ROR1: variants seen among roughly 807,000 people sequenced by gnomAD.
ROR1 encodes ROR family WNT receptor 1.
Under a neutral mutation model 78.8 loss-of-function variants are expected in ROR1, and 19 were observed. The observed-to-expected ratio is 0.24, with a 90% CI of 0.17 to 0.35. ROR1 has a LOEUF of 0.35. Among genes scored for constraint, ROR1 ranks in the 10% least tolerant of loss-of-function variants. The pLI, the probability that ROR1 is intolerant of heterozygous loss-of-function variation, is 1.00. For synonymous variants in ROR1, 386 were observed against 433.6 expected (o/e 0.89, Z 1.36); for missense variants, 917 against 1,177.8 (o/e 0.78, Z 3.24).
At chr1:63,914,924 G>A (rs935131228) in intron 1 of ROR1, among the ~76,000 whole-genome samples, 2 of 152,130 alleles carry the variant, frequency 1.3e-5, no homozygotes, top group African/African-American at 4.8e-5. Flanking sequence ...GTCTGGGAGA[G>A]CCTCCTGAGT....
chr1:64,087,652 T>C (rs1391510043), intron 4 of ROR1, among the ~76,000 whole-genome samples: 1 of 152,148 alleles, frequency 6.6e-6, no homozygotes, highest in Non-Finnish European at 1.5e-5. Context: ...AAAGCAGTGC[T>C]CCCTGAAACT....
At chr1:63,914,581 G>A (rs574548524) in intron 1 of ROR1, among the ~76,000 whole-genome samples, 188 of 152,224 alleles carry the variant, frequency 1.2e-3, no homozygotes, top group Non-Finnish European at 1.9e-3. Flanking sequence ...AAATCCCTTC[G>A]GATGACTCTT....
chr1:64,160,791 C>T (rs1405772284), intron 8 of ROR1, among the ~76,000 whole-genome samples: 1 of 152,148 alleles, frequency 6.6e-6, no homozygotes, highest in African/African-American at 2.4e-5. Context: ...CCTTTCATTT[C>T]TGTTGGTAAA....
chr1:63,854,293 C>T (rs1421961486), intron 1 of ROR1, among the ~76,000 whole-genome samples: 1 of 152,182 alleles, frequency 6.6e-6, no homozygotes, highest in Non-Finnish European at 1.5e-5. Context: ...CTTAGCACCA[C>T]TTACGTGTGG....
chr1:63,832,694 A>G (rs867018250), intron 1 of ROR1, among the ~76,000 whole-genome samples: 7 of 152,218 alleles, frequency 4.6e-5, no homozygotes, highest in South Asian at 2.1e-4. Flanking sequence ...AAACACACAC[A>G]TTTTTTCAAA....
At chr1:64,133,614 A>C (rs1228991325) in intron 4 of ROR1, among the ~76,000 whole-genome samples, 1 of 152,220 alleles carries the variant, frequency 6.6e-6, no homozygotes, top group Non-Finnish European at 1.5e-5. Context: ...AGCTCCCATC[A>C]CAAAGCACCC....
intron 4 of ROR1, among the ~76,000 whole-genome samples, chr1:64,128,676 A>G (rs907512801): frequency 5.9e-5 from 9 of 152,230 alleles, no homozygotes; most frequent in African/African-American, 2.2e-4. Flanking sequence ...TTAGGGACAT[A>G]GTAGTGACCA....
At chr1:64,006,731 A>C (rs1646430705) in intron 1 of ROR1, among the ~76,000 whole-genome samples, 1 of 152,196 alleles carries the variant, frequency 6.6e-6, no homozygotes, top group Admixed American at 6.5e-5. Flanking sequence ...AACCAGGGCC[A>C]CTGTAGGTGG....
intron 1 of ROR1, among the ~76,000 whole-genome samples, chr1:63,973,050 T>C (rs766852199): frequency 6.6e-6 from 1 of 152,168 alleles, no homozygotes; most frequent in African/African-American, 2.4e-5. Context: ...CTGCTGCTTC[T>C]CTCCTTCTCC....
chr1:63,819,408 T>A (rs1644911502), intron 1 of ROR1, among the ~76,000 whole-genome samples: 1 of 152,186 alleles, frequency 6.6e-6, no homozygotes, highest in Non-Finnish European at 1.5e-5. Flanking sequence ...TGCTTTTTGA[T>A]GTGTTTATGC....
At chr1:63,935,146 C>T (rs1645784553) in intron 1 of ROR1, among the ~76,000 whole-genome samples, 1 of 151,528 alleles carries the variant, frequency 6.6e-6, no homozygotes, top group Non-Finnish European at 1.5e-5. Context: ...AACCTCCCTC[C>T]CCTGCCAACA....
At chr1:63,926,405 A>G (rs902986058) in intron 1 of ROR1, among the ~76,000 whole-genome samples, 5 of 152,000 alleles carry the variant, frequency 3.3e-5, no homozygotes, top group African/African-American at 1.2e-4. Flanking sequence ...CCATGCTGTT[A>G]CTGTAGCCTT....
chr1:64,135,048 G>A (rs1649056272), intron 4 of ROR1, among the ~76,000 whole-genome samples: 1 of 152,070 alleles, frequency 6.6e-6, no homozygotes, highest in Non-Finnish European at 1.5e-5. Context: ...AGCCAAGACA[G>A]AACCACTCCC....
chr1:64,177,202 C>T (rs1428797313), intron 8 of ROR1, among the ~76,000 whole-genome samples: 1 of 152,206 alleles, frequency 6.6e-6, no homozygotes, highest in Non-Finnish European at 1.5e-5. Flanking sequence ...CAGCAAAAAA[C>T]CATTTTGTGG....
intron 2 of ROR1, among the ~76,000 whole-genome samples, chr1:64,033,995 T>A (rs1646681269): frequency 6.6e-6 from 1 of 152,180 alleles, no homozygotes; most frequent in Non-Finnish European, 1.5e-5. Flanking sequence ...TTCTATTCAC[T>A]GTTATCTCTA....
At chr1:63,946,210 C>A (rs2100463505) in intron 1 of ROR1, among the ~76,000 whole-genome samples, 1 of 152,260 alleles carries the variant, frequency 6.6e-6, no homozygotes, top group East Asian at 1.9e-4. Context: ...GACACACACA[C>A]TATAATATTC....
intron 8 of ROR1, among the ~76,000 whole-genome samples, chr1:64,163,675 C>G (rs942257002): frequency 2.0e-5 from 3 of 152,212 alleles, no homozygotes; most frequent in African/African-American, 7.2e-5. Context: ...GACAATTCAT[C>G]TCTCCGTTTT....
intron 1 of ROR1, among the ~76,000 whole-genome samples, chr1:63,844,803 C>T (rs940143939): frequency 6.6e-6 from 1 of 152,152 alleles, no homozygotes; most frequent in Non-Finnish European, 1.5e-5. Flanking sequence ...TACTCCCTTT[C>T]CTGAAAGAAT....
intron 1 of ROR1, among the ~76,000 whole-genome samples, chr1:63,854,046 T>G (rs1645133043): frequency 6.6e-6 from 1 of 152,216 alleles, no homozygotes; most frequent in African/African-American, 2.4e-5. Context: ...AATGTGAGCA[T>G]TGGCCTCTGT....
Sources: gnomAD v4.1 joint callset for allele counts (sites outside exome capture counted in the v4.1 genomes callset) on GRCh38, gnomAD v4.1.1 for gene constraint, MANE v1.5 for transcripts, NCBI Gene and HGNC (gene_info 2026-07-23, HGNC 2026-07-21) for gene names.